HIVEP3: variants seen among roughly 807,000 people sequenced by gnomAD.
The protein encoded by HIVEP3 is transcription factor HIVEP3.
Under a neutral mutation model 152.8 loss-of-function variants are expected in HIVEP3, and 49 were observed. That is an observed-to-expected ratio of 0.32 (90% confidence interval 0.26 to 0.41). The LOEUF (loss-of-function observed/expected upper bound fraction) is 0.41, where lower values mean the gene tolerates loss of function less well. Among genes scored for constraint, HIVEP3 ranks in the 10% least tolerant of loss-of-function variants. HIVEP3 has a pLI of 1.00. For missense variants in HIVEP3, 2,790 were observed against 3,103.3 expected (o/e 0.90, Z 2.40); for synonymous variants, 1,269 against 1,289.0 (o/e 0.98, Z 0.33).
intron 1 of HIVEP3, among the ~76,000 whole-genome samples, chr1:42,027,240 C>A (rs1006265802): frequency 6.6e-6 from 1 of 152,178 alleles, no homozygotes; most frequent in African/African-American, 2.4e-5. Flanking sequence ...TCAATGCTAC[C>A]TTCAAAATAT....
chr1:41,731,219 G>A (rs909160371), intron 1 of HIVEP3, among the ~76,000 whole-genome samples: 5 of 152,110 alleles, frequency 3.3e-5, no homozygotes, highest in Non-Finnish European at 5.9e-5. Flanking sequence ...AGAGACAGAG[G>A]TGCTGGGTTC....
intron 1 of HIVEP3, among the ~76,000 whole-genome samples, chr1:41,759,234 A>G (rs1237887139): frequency 2.6e-5 from 4 of 151,602 alleles, no homozygotes; most frequent in Non-Finnish European, 5.9e-5. Context: ...ATCTCTGTAG[A>G]TTTGCTCATT....
At chr1:41,646,521 A>G (rs1299901178) in intron 2 of HIVEP3, among the ~76,000 whole-genome samples, 3 of 152,212 alleles carry the variant, frequency 2.0e-5, no homozygotes, top group African/African-American at 4.8e-5. Flanking sequence ...AGAAGAGATG[A>G]TGTCTGCACA....
intron 5 of HIVEP3, among the ~76,000 whole-genome samples, chr1:41,546,600 G>T (rs1643809724): frequency 6.6e-6 from 1 of 152,200 alleles, no homozygotes. Flanking sequence ...GCAGACAAAG[G>T]CCTTGCCCAA....
In HIVEP3 at chr1:41,507,083, A is replaced by G. The variant is rs1189339854; in HGVS notation, c.*3368T>C. ...GGTCCCCAAGGACAGGTGCTCAGCCAGGACTTTTGCTTTAAGAAGGATTTG... is the reference window on the plus strand; with the variant it reads ...GGTCCCCAAGGACAGGTGCTCAGCCGGGACTTTTGCTTTAAGAAGGATTTG... On this transcript the variant is annotated 3_prime_UTR_variant, in exon 9 of 9. Transcript: ENST00000372583. 2 of 152,192 alleles carry G rather than the reference A, an allele frequency of 1.3e-5. No individual in the cohort carries two copies. Among genetic ancestry groups the G allele is most frequent in the Non-Finnish European group, 2.9e-5 (2 of 68,044 alleles). 9.4% of individuals were successfully genotyped at this position (152,192 alleles called of 1,614,324 possible). A position where few individuals can be genotyped will look rare whatever the true frequency, so the allele number is the denominator to read the frequency against.
At chr1:41,826,956 C>G (rs1439196094) in intron 1 of HIVEP3, among the ~76,000 whole-genome samples, 1 of 152,166 alleles carries the variant, frequency 6.6e-6, no homozygotes, top group East Asian at 1.9e-4. Context: ...AACTGAAGCT[C>G]AAAGAGGCAT....
intron 2 of HIVEP3, among the ~76,000 whole-genome samples, chr1:41,650,329 C>G (rs1483758391): frequency 6.6e-6 from 1 of 152,158 alleles, no homozygotes; most frequent in Non-Finnish European, 1.5e-5. Context: ...TGCGTGCTTA[C>G]TGATCTCACA....
rs1464514575 is a variant in HIVEP3 at position 41,582,151 on chromosome 1, C to T, written c.2647G>A (p.Glu883Lys). 6.2e-7 allele frequency: 1 copy of T among 1,614,048 alleles called. No individual in the cohort carries two copies. Among genetic ancestry groups the T allele is most frequent in the Admixed American group, 1.7e-5 (1 of 59,990 alleles). The change falls in exon 4 of 9, where the codon GAG becomes AAG. Residue 883 changes from glutamate to lysine, a missense_variant. Glu to Lys is a moderately conservative substitution (Grantham distance 56). Around this residue, in one of 9 missense-constraint regions of HIVEP3, gnomAD observed 1,078 missense variants for 1,165.3 expected, o/e 0.93. Coordinates refer to ENST00000372583, the MANE Select transcript of HIVEP3 (RefSeq NM_024503.5). The surrounding 1 kb of genome is among the most constrained non-coding windows in gnomAD (Gnocchi z 4.7). Reference sequence around the variant, plus strand: ...TGGCTGCGCTGGGGCCATTGGAACTCCTCAGTCTTCTCAGGTTCCTTAGGG... The same window carrying T: ...TGGCTGCGCTGGGGCCATTGGAACTTCTCAGTCTTCTCAGGTTCCTTAGGG... ...PPPKEPEKTE[E>K]FQWPQRSQTL...
chr1:41,726,169 T>C (rs1646749376), intron 1 of HIVEP3, among the ~76,000 whole-genome samples: 1 of 152,210 alleles, frequency 6.6e-6, no homozygotes. Flanking sequence ...TTTCTTTTCA[T>C]GTCTCAAGCA....
In HIVEP3 at chr1:41,513,573, G is replaced by A. The variant is rs770475294; in HGVS notation, c.5648C>T (p.Pro1883Leu). ...ELSRPSSEAP[P>L]PGPPHALRAD... is the part of the protein sequence containing the mutation. ...CCGCAGTGCATGTGGTGGGCCAGGCGGGGGCGCCTCTGAGGATGGTCTGGA... is the reference window on the plus strand; with the variant it reads ...CCGCAGTGCATGTGGTGGGCCAGGCAGGGGCGCCTCTGAGGATGGTCTGGA... The change falls in exon 8 of 9, where the codon CCG (proline) becomes CTG (leucine). Residue 1883 changes from proline (P) to leucine (L), a missense_variant. This residue lies in a region of HIVEP3 where 816 missense variants were observed against 806.5 expected (regional missense o/e 1.01). Coordinates refer to ENST00000372583, the MANE Select transcript of HIVEP3 (RefSeq NM_024503.5). The A allele has an allele frequency of 4.3e-5, 69 of 1,612,730 alleles. No individual in the cohort carries two copies. The highest frequency in any genetic ancestry group is 1.7e-4 in the Middle Eastern group (1 of 6,012).
chr1:41,799,698 A>T (rs1488430066), intron 1 of HIVEP3, among the ~76,000 whole-genome samples: 1 of 152,150 alleles, frequency 6.6e-6, no homozygotes, highest in Admixed American at 6.5e-5. Flanking sequence ...TGAGTTTCTT[A>T]GTTGCATGAG....
chr1:41,845,419 G>GCGCACACA (rs1233208770), intron 1 of HIVEP3, among the ~76,000 whole-genome samples: 1 of 136,074 alleles, frequency 7.3e-6, no homozygotes, highest in African/African-American at 2.9e-5. Context: ...ACACACACAC[G>GCGCACACA]CACACACACA....
chr1:41,971,078 G>A (rs1645226208), intron 1 of HIVEP3, among the ~76,000 whole-genome samples: 2 of 152,186 alleles, frequency 1.3e-5, no homozygotes, highest in African/African-American at 4.8e-5. Flanking sequence ...TTTACTAGCT[G>A]CAATAAATTA....
intron 5 of HIVEP3, among the ~76,000 whole-genome samples, chr1:41,540,918 G>A (rs1643515070): frequency 7.0e-6 from 1 of 143,424 alleles, no homozygotes; most frequent in South Asian, 2.1e-4. Flanking sequence ...GGTCCAGCGG[G>A]TTTAGCTGGA....
rs756517344 is a variant in HIVEP3, at chr1:41,510,783, C to G, written c.6889G>C (p.Gly2297Arg). The G allele has an allele frequency of 5.0e-6, 8 of 1,606,596 alleles. No homozygotes were observed. Among genetic ancestry groups the G allele is most frequent in the South Asian group, 2.2e-5 (2 of 90,528 alleles). Reference protein sequence around the residue: ...RPPDWTPHGTGAPAEPTPTHS... With the variant: ...RPPDWTPHGTRAPAEPTPTHS... ...GTGGGTGTGGGCTCTGCAGGTGCCC[C>G]GGTCCCATGGGGTGTCCAGTCAGGA... Residue 2297 changes from glycine (G) to arginine (R), a missense_variant, in exon 9 of 9, where the codon GGG becomes CGG. Transcript: ENST00000372583.
rs377142515 is a variant in HIVEP3, at chr1:41,948,361, T to C, written n.120-29837A>G. Among the ~76,000 whole-genome samples the C allele has an allele frequency of 8.8e-4, 134 of 152,212 alleles. 5 individuals carry two copies. The South Asian group carries it at 0.026, about 29-fold the overall frequency. On this transcript the variant is annotated intron_variant and non_coding_transcript_variant, in intron 1 of 3. Transcript: ENST00000489103. ...CTAGTCCTCCATGCCCACGCAGCAA[T>C]ATGGAGAGAAAGGGAATTCCTACCT...
In HIVEP3 at chr1:41,666,603, C is replaced by T. The variant is rs115014035; in HGVS notation, c.-721+34313G>A. Among the ~76,000 whole-genome samples, 1,074 of 152,274 alleles carry T rather than the reference C, an allele frequency of 7.1e-3. 14 individuals carry two copies. Among genetic ancestry groups the T allele is most frequent in the African/African-American group, 0.025 (1,030 of 41,546 alleles). ...TCAGAATCCTCCTCCTCTCATACTG[C>T]TCATCTTCATGGATGTGGGCATCAA... On this transcript the variant is annotated intron_variant, in intron 2 of 8. Coordinates refer to ENST00000372583, the MANE Select transcript of HIVEP3 (RefSeq NM_024503.5).
In HIVEP3 at chr1:41,516,646, C is replaced by A. The variant is rs578127244; in HGVS notation, c.5470+1756G>T. The stretch of plus-strand genomic sequence containing the variant: ...TGCCTCTCTCCTCCGCTCCAGGGCA[C>A]CCCCCCATGCCCTTCAGCCCTCAGG... On this transcript the variant is annotated intron_variant, in intron 7 of 8. Transcript: ENST00000372583. Among the ~76,000 whole-genome samples the A allele has an allele frequency of 6.6e-5, 10 of 152,028 alleles. No homozygotes were observed. In the East Asian group the frequency reaches 1.5e-3, roughly 24 times the overall value.
chr1:41,715,148 C>G (rs1271367927), intron 1 of HIVEP3, among the ~76,000 whole-genome samples: 1 of 152,208 alleles, frequency 6.6e-6, no homozygotes, highest in Non-Finnish European at 1.5e-5. Flanking sequence ...GCCGGAGGCA[C>G]CTCTCAAACA....
Sources: allele counts gnomAD v4.1 joint callset (sites outside exome capture counted in the v4.1 genomes callset), GRCh38; gene constraint gnomAD v4.1.1; regional missense constraint gnomAD v4.1.1; non-coding constraint Gnocchi (gnomAD v3.1); transcripts MANE v1.5; gene names NCBI Gene and HGNC (gene_info 2026-07-23, HGNC 2026-07-21).